NREP: variants seen among roughly 807,000 people sequenced by gnomAD.
The protein encoded by NREP is neuronal regeneration related protein.
Under a neutral mutation model 8.6 loss-of-function variants are expected in NREP, and 5 were observed. The ratio of observed to expected loss-of-function variants is 0.58; its 90% CI spans 0.30 to 1.22. The LOEUF (loss-of-function observed/expected upper bound fraction) is 1.22. Ranked by LOEUF, NREP falls within the 50% of genes most tolerant of loss-of-function variation. NREP has a pLI of 0.07. For synonymous variants in NREP, 27 were observed against 28.0 expected (o/e 0.96, Z 0.11); for missense variants, 86 against 82.5 (o/e 1.04, Z -0.17).
At chr5:111,750,218 T>A (rs568574410) in intron 2 of NREP, among the ~76,000 whole-genome samples, 1 of 152,336 alleles carries the variant, frequency 6.6e-6, no homozygotes, top group South Asian at 2.1e-4. Flanking sequence ...AACTCTCTAA[T>A]GCACTCCTTT....
intron 2 of NREP, among the ~76,000 whole-genome samples, chr5:111,852,013 G>C (rs931481588): frequency 6.6e-6 from 1 of 152,172 alleles, no homozygotes; most frequent in Non-Finnish European, 1.5e-5. Context: ...CATTGTGGTA[G>C]TAGTAAGAGG....
At chr5:111,758,837 T>C (rs1222391388), upstream of NREP, among the ~76,000 whole-genome samples, 1 of 152,240 alleles carries the variant, frequency 6.6e-6, no homozygotes, top group African/African-American at 2.4e-5. Context: ...CTCTGTATGC[T>C]TGTTGCTGGG....
intron 2 of NREP, among the ~76,000 whole-genome samples, chr5:111,878,742 AC>A (rs1028145806): frequency 1.3e-5 from 2 of 151,870 alleles, no homozygotes; most frequent in African/African-American, 2.4e-5. Flanking sequence ...CCTGTCCCCC[AC>A]CCCCCTGCCA....
intron 2 of NREP, among the ~76,000 whole-genome samples, chr5:111,873,367 G>T (rs1753832517): frequency 6.6e-6 from 1 of 152,150 alleles, no homozygotes; most frequent in African/African-American, 2.4e-5. Flanking sequence ...TAGGCCAGAA[G>T]TCCAATGTGG....
chr5:111,809,193 C>T (rs1752211856), intron 2 of NREP, among the ~76,000 whole-genome samples: 1 of 152,166 alleles, frequency 6.6e-6, no homozygotes, highest in Non-Finnish European at 1.5e-5. Flanking sequence ...TTTGTATCTT[C>T]CACTCAAAAT....
rs115608970 is a variant in NREP at position 111,837,431 on chromosome 5, T to C, written c.136-101924A>G. Among the ~76,000 whole-genome samples the C allele has an allele frequency of 3.2e-3, 480 of 152,146 alleles. 5 individuals carry two copies. Among genetic ancestry groups the C allele is most frequent in the African/African-American group, 0.011 (458 of 41,532 alleles). On this transcript the variant is annotated intron_variant, in intron 2 of 3. Transcript: ENST00000395634. ...AATGGTTGAAATTGATTGAAAGATA[T>C]TGTATATATGAAAAAAATCCATGAG...
intron 2 of NREP, among the ~76,000 whole-genome samples, chr5:111,863,933 G>A (rs1753607736): frequency 6.6e-6 from 1 of 152,082 alleles, no homozygotes; most frequent in South Asian, 2.1e-4. Context: ...AAGATATATG[G>A]AGTCTTAATG....
At chr5:111,770,717 G>A (rs1311681416) in intron 2 of NREP, among the ~76,000 whole-genome samples, 3 of 151,524 alleles carry the variant, frequency 2.0e-5, no homozygotes, top group Admixed American at 6.6e-5. Context: ...CTACACATGC[G>A]CGCCACCATG....
At chr5:111,872,680 C>A (rs556670393) in intron 2 of NREP, among the ~76,000 whole-genome samples, 1 of 152,088 alleles carries the variant, frequency 6.6e-6, no homozygotes, top group Non-Finnish European at 1.5e-5. Flanking sequence ...GGACAAAATA[C>A]TGAAACTTTC....
intron 2 of NREP, among the ~76,000 whole-genome samples, chr5:111,906,714 T>C (rs987913578): frequency 6.6e-6 from 1 of 152,040 alleles, no homozygotes; most frequent in Non-Finnish European, 1.5e-5. Flanking sequence ...GCTTTTCTAA[T>C]AGGTGTGTAG....
chr5:111,790,155 A>G lies in NREP; in HGVS notation c.136-54648T>C, dbSNP rs1219234892. 2.0e-5 allele frequency among the ~76,000 whole-genome samples: 3 copies of G among 152,120 alleles called. No homozygotes were observed. In the East Asian group the frequency reaches 5.8e-4, roughly 29 times the overall value. On this transcript the variant is annotated intron_variant, in intron 2 of 3. Transcript: ENST00000395634. ...AACTACAAATAATCAATACACATGA[A>G]AAGTTTTGAATTTTTCTTGTAAAGA... is the stretch of plus-strand genomic sequence containing the variant.
intron 2 of NREP, among the ~76,000 whole-genome samples, chr5:111,819,597 C>A (rs1752471844): frequency 6.6e-6 from 1 of 152,198 alleles, no homozygotes; most frequent in Non-Finnish European, 1.5e-5. Context: ...AAATAGTGAA[C>A]CATTGCTCCT....
chr5:111,811,871 A>G (rs35552666), intron 2 of NREP, among the ~76,000 whole-genome samples: 25,924 of 152,132 alleles, frequency 0.17, 2,759 homozygotes, highest in Non-Finnish European at 0.23. Context: ...CCAGAGAAGC[A>G]AAGATCGGTT....
intron 2 of NREP, among the ~76,000 whole-genome samples, chr5:111,866,744 C>A (rs1253022165): frequency 1.3e-5 from 2 of 151,978 alleles, no homozygotes; most frequent in Non-Finnish European, 2.9e-5. Flanking sequence ...TGGAACCAAC[C>A]CAAATGTCCA....
At chr5:111,897,494 C>G (rs1469640702) in intron 2 of NREP, among the ~76,000 whole-genome samples, 1 of 152,126 alleles carries the variant, frequency 6.6e-6, no homozygotes, top group Non-Finnish European at 1.5e-5. Flanking sequence ...TTTTCCCACA[C>G]TTAATAAAAT....
chr5:111,822,468 A>T lies in NREP; in HGVS notation c.136-86961T>A, dbSNP rs572940935. 4.4e-4 allele frequency among the ~76,000 whole-genome samples: 67 copies of T among 152,362 alleles called. 1 individual carries two copies. The highest frequency in any genetic ancestry group is 1.6e-3 in the African/African-American group (65 of 41,598). ...ACCTCGGTAAACATCCAGGCTATCAATCGGGATTCCTGAAAGGCTTACATG... is the reference window on the plus strand; with the variant it reads ...ACCTCGGTAAACATCCAGGCTATCATTCGGGATTCCTGAAAGGCTTACATG... On this transcript the variant is annotated intron_variant, in intron 2 of 3. Coordinates refer to the NREP transcript ENST00000395634.
chr5:111,926,687 T>C (rs1040864593), intron 2 of NREP, among the ~76,000 whole-genome samples: 3 of 151,990 alleles, frequency 2.0e-5, no homozygotes, highest in Admixed American at 1.3e-4. Context: ...AGGCTGAAGA[T>C]GGTTTGTTAC....
At chr5:111,754,553 T>C (rs1434704897) in intron 2 of NREP, among the ~76,000 whole-genome samples, 1 of 152,208 alleles carries the variant, frequency 6.6e-6, no homozygotes, top group African/African-American at 2.4e-5. Flanking sequence ...CCTATTATTC[T>C]ATGACAACAG....
intron 2 of NREP, among the ~76,000 whole-genome samples, chr5:111,835,674 G>C (rs1460538630): frequency 6.6e-6 from 1 of 152,104 alleles, no homozygotes; most frequent in Non-Finnish European, 1.5e-5. Flanking sequence ...TAACCTTAAA[G>C]GAAATAAAGA....
Sources: gnomAD v4.1 joint callset for allele counts (sites outside exome capture counted in the v4.1 genomes callset) on GRCh38, gnomAD v4.1.1 for gene constraint, MANE v1.5 for transcripts, NCBI Gene and HGNC (gene_info 2026-07-23, HGNC 2026-07-21) for gene names.